SNX13: variants seen among roughly 807,000 people sequenced by gnomAD.
SNX13 encodes the protein sorting nexin-13.
Under a neutral mutation model 133.6 loss-of-function variants are expected in SNX13, and 45 were observed. The observed-to-expected ratio is 0.34, with a 90% confidence interval of 0.27 to 0.43. The LOEUF (loss-of-function observed/expected upper bound fraction) is 0.43. Among genes scored for constraint, SNX13 ranks in the 20% least tolerant of loss-of-function variants. SNX13 has a pLI of 1.00. For missense variants in SNX13, 1,032 were observed against 1,145.1 expected (o/e 0.90, Z 1.43); for synonymous variants, 414 against 373.9 (o/e 1.11, Z -1.24).
At chr7:17,868,018 T>C (rs1793609464) in intron 9 of SNX13, among the ~76,000 whole-genome samples, 1 of 152,184 alleles carries the variant, frequency 6.6e-6, no homozygotes, top group South Asian at 2.1e-4. Context: ...TCTACTATTC[T>C]GTCCTCCATA....
At chr7:17,881,662 T>C (rs928313796) in intron 5 of SNX13, 1 of 152,052 alleles carries the variant, frequency 6.6e-6, no homozygotes, top group African/African-American at 2.4e-5. Flanking sequence ...AAGAAAAAAA[T>C]TCCTTCTCCT....
chr7:17,839,743 T>C, intron 13 of SNX13, 64 bp downstream of exon 13: 1 of 1,370,828 alleles, frequency 7.3e-7, no homozygotes, highest in South Asian at 1.5e-5. Flanking sequence ...GCATAAGCAA[T>C]GGATTACAAA....
Position 17,799,317 on chromosome 7 carries a change from C to A in SNX13, c.2299-163G>T, listed in dbSNP as rs149551594. Reference sequence around the variant, plus strand: ...AAATTCTAATGTAGAAAAAATATTTCTAGTAGTCATTCTGACAGAATACAG... The same window carrying A: ...AAATTCTAATGTAGAAAAAATATTTATAGTAGTCATTCTGACAGAATACAG... On this transcript the variant is annotated intron_variant, in intron 22 of 25. Transcript: ENST00000428135. 1.7e-3 allele frequency among the ~76,000 whole-genome samples: 255 copies of A among 151,860 alleles called. 1 individual carries two copies. The highest frequency in any genetic ancestry group is 5.2e-3 in the African/African-American group (217 of 41,490).
At chr7:17,915,443 T>C (rs1799444232) in intron 1 of SNX13, among the ~76,000 whole-genome samples, 3 of 152,184 alleles carry the variant, frequency 2.0e-5, no homozygotes, top group South Asian at 2.1e-4. Context: ...AATTCCTATA[T>C]TGTAAGCCCG....
rs377766988 is a variant in SNX13 at position 17,816,153 on chromosome 7, T to G, written c.1953+29A>C. 7 of 1,505,234 alleles carry G rather than the reference T, an allele frequency of 4.7e-6. No homozygotes were observed. In the African/African-American group the frequency reaches 8.5e-5, roughly 18 times the overall value. 93.2% of individuals were successfully genotyped at this position (1,505,234 alleles called of 1,614,324 possible). ...ACCTGTGTGCTATATTAAATGAAAA[T>G]CTGTGGATTATAGTAAACATGAGCT... On this transcript the variant is annotated intron_variant, in intron 19 of 25. Transcript: ENST00000428135.
At chr7:17,828,681 C>T (rs1047915372) in intron 16 of SNX13, among the ~76,000 whole-genome samples, 2 of 151,588 alleles carry the variant, frequency 1.3e-5, no homozygotes, top group Non-Finnish European at 3.0e-5. Context: ...TAAAAAAATA[C>T]TCCAAGTCAC....
intron 1 of SNX13, among the ~76,000 whole-genome samples, chr7:17,904,933 T>C (rs1478354907): frequency 6.6e-6 from 1 of 151,942 alleles, no homozygotes; most frequent in Admixed American, 6.6e-5. Flanking sequence ...CAAGGCCAAG[T>C]ACACAGAAGC....
chr7:17,866,671 C>T (rs2128342793), intron 9 of SNX13, among the ~76,000 whole-genome samples: 1 of 152,196 alleles, frequency 6.6e-6, no homozygotes, highest in African/African-American at 2.4e-5. Flanking sequence ...AAAGACTGAA[C>T]TCATGGAGAT....
chr7:17,840,967 C>G (rs942140158), intron 12 of SNX13, among the ~76,000 whole-genome samples: 5 of 152,014 alleles, frequency 3.3e-5, no homozygotes, highest in African/African-American at 1.2e-4. Flanking sequence ...CAGCTCTTAG[C>G]ACAACTGCAG....
At chr7:17,835,445 G>T (rs116816648) in intron 13 of SNX13, among the ~76,000 whole-genome samples, 494 of 151,958 alleles carry the variant, frequency 3.3e-3, no homozygotes, top group African/African-American at 0.011. Context: ...GGAAAAAAAA[G>T]TCTTAAAATT....
intron 16 of SNX13, among the ~76,000 whole-genome samples, chr7:17,827,574 C>T (rs1385835294): frequency 6.6e-6 from 1 of 151,826 alleles, no homozygotes; most frequent in Non-Finnish European, 1.5e-5. Context: ...TACAGATAAT[C>T]CACAAGACTT....
At position 17,866,294 on chromosome 7, in the gene SNX13, GA is replaced by G. The variant is rs765308971; in HGVS notation, c.837+2112del. 7.0e-3 allele frequency among the ~76,000 whole-genome samples: 899 copies of G among 128,648 alleles called. 4 individuals carry two copies. The highest frequency in any genetic ancestry group is 0.021 in the African/African-American group (723 of 35,198). 84.4% of individuals were successfully genotyped at this position (128,648 alleles called of 152,430 possible). On this transcript the variant is annotated intron_variant, in intron 9 of 25. Transcript: ENST00000428135. The stretch of plus-strand genomic sequence containing the variant: ...ATAAGGAACTCAAACAACTCAATAG[GA>G]AAAAAAAAAAAAGAATCCCATTAAA...
At chr7:17,939,595 AC>A (rs1802533373) in intron 1 of SNX13, among the ~76,000 whole-genome samples, 1 of 152,254 alleles carries the variant, frequency 6.6e-6, no homozygotes, top group African/African-American at 2.4e-5. Context: ...TAGTTGCCCT[AC>A]TTCCATTTCA....
chr7:17,879,607 T>G (rs938769823), intron 5 of SNX13: 1 of 152,218 alleles, frequency 6.6e-6, no homozygotes, highest in Non-Finnish European at 1.5e-5. Context: ...GGCTACTTAA[T>G]GCCAATCCCT....
intron 17 of SNX13, among the ~76,000 whole-genome samples, chr7:17,823,838 A>G (rs1787575449): frequency 6.6e-6 from 1 of 152,220 alleles, no homozygotes; most frequent in South Asian, 2.1e-4. Flanking sequence ...AGCAGAGGCC[A>G]ATTAGGCAGC....
intron 1 of SNX13, among the ~76,000 whole-genome samples, chr7:17,913,558 G>C (rs1799223485): frequency 6.6e-6 from 1 of 151,976 alleles, no homozygotes; most frequent in Admixed American, 6.6e-5. Flanking sequence ...ACAAAAATAT[G>C]TTGCTACAAT....
chr7:17,815,062 T>C, intron 19 of SNX13, 118 bp from the exon 20 acceptor site: 1 of 1,141,110 alleles, frequency 8.8e-7, no homozygotes, highest in Non-Finnish European at 1.1e-6. Context: ...AAATATTGAT[T>C]TATATTTTTA....
At chr7:17,818,930 T>A (rs947677758) in intron 18 of SNX13, among the ~76,000 whole-genome samples, 65 of 152,314 alleles carry the variant, frequency 4.3e-4, no homozygotes, top group Middle Eastern at 3.4e-3. Context: ...TGAGTTTATC[T>A]ATACCTATAC....
chr7:17,805,700 T>C (rs999943835), intron 20 of SNX13, among the ~76,000 whole-genome samples: 1 of 152,224 alleles, frequency 6.6e-6, no homozygotes, highest in East Asian at 1.9e-4. Flanking sequence ...CTCACATGCT[T>C]ATCTAGGCAT....
Sources: gnomAD v4.1 joint callset for allele counts (sites outside exome capture counted in the v4.1 genomes callset) on GRCh38, gnomAD v4.1.1 for gene constraint, MANE v1.5 for transcripts, NCBI Gene and HGNC (gene_info 2026-07-23, HGNC 2026-07-21) for gene names.